Variants in EYA3 observed in about 807,000 individuals in gnomAD.
EYA3 encodes EYA transcriptional coactivator and phosphatase 3.
Under a neutral mutation model 80.0 loss-of-function variants are expected in EYA3, and 39 were observed. That is an observed-to-expected ratio of 0.49 (90% CI 0.38 to 0.64). The LOEUF (loss-of-function observed/expected upper bound fraction) is 0.64, where lower values mean the gene tolerates loss of function less well. Among genes scored for constraint, EYA3 ranks in the 30% least tolerant of loss-of-function variants. The pLI is 0.00. For missense variants in EYA3, 523 were observed against 676.1 expected (o/e 0.77, Z 2.51); for synonymous variants, 206 against 232.8 (o/e 0.88, Z 1.05).
At chr1:28,045,965 A>G (rs1643988596) in intron 3 of EYA3, among the ~76,000 whole-genome samples, 1 of 152,198 alleles carries the variant, frequency 6.6e-6, no homozygotes, top group African/African-American at 2.4e-5. Context: ...ACATGCTACA[A>G]ATGGATAGAC....
At chr1:28,050,287 G>A (rs1644197669) in intron 2 of EYA3, among the ~76,000 whole-genome samples, 1 of 151,116 alleles carries the variant, frequency 6.6e-6, no homozygotes, top group Non-Finnish European at 1.5e-5. Context: ...CTGTCTCCCG[G>A]GTTCAAGCAG....
chr1:28,015,236 A>T (rs1161825611), intron 8 of EYA3, among the ~76,000 whole-genome samples: 11 of 152,240 alleles, frequency 7.2e-5, no homozygotes, highest in Non-Finnish European at 1.2e-4. Flanking sequence ...AGAAAGTAAG[A>T]ACATGAATAG....
At chr1:28,069,580 G>GAA (rs1167484182) in intron 1 of EYA3, among the ~76,000 whole-genome samples, 1 of 133,218 alleles carries the variant, frequency 7.5e-6, no homozygotes, top group Non-Finnish European at 1.6e-5. Context: ...AGAAGAAGAA[G>GAA]AAAAAAAAAG....
intron 6 of EYA3, among the ~76,000 whole-genome samples, chr1:28,032,357 T>A (rs901310939): frequency 6.6e-6 from 1 of 152,214 alleles, no homozygotes; most frequent in Admixed American, 6.5e-5. Flanking sequence ...ACCTTAATAT[T>A]CAAGTTTTAG....
chr1:27,977,206 AAAAT>A lies in EYA3; in HGVS notation c.1641+1164_1641+1167del, dbSNP rs1363675866. On this transcript the variant is annotated intron_variant, in intron 17 of 17. Coordinates refer to ENST00000373871, the MANE Select transcript of EYA3 (RefSeq NM_001990.4). ...ATCAAAGCTTCATAACATATGTGAA[AAAAT>A]AAGGATCCCTGAATTGCTACATAAA... 2.7e-6 allele frequency: 4 copies of A among 1,496,804 alleles called. No homozygotes were observed. The African/African-American group carries it at 4.2e-5, about 16-fold the overall frequency. The allele number at this position is 1,496,804 out of a possible 1,614,324, so 92.7% of individuals were successfully genotyped here.
chr1:28,033,269 T>A (rs1643251301), intron 6 of EYA3, among the ~76,000 whole-genome samples: 1 of 152,144 alleles, frequency 6.6e-6, no homozygotes, highest in South Asian at 2.1e-4. Context: ...AAAAGCCACA[T>A]GATAAAACAC....
chr1:27,984,099 T>C (rs143119859), intron 16 of EYA3, among the ~76,000 whole-genome samples: 1 of 152,342 alleles, frequency 6.6e-6, no homozygotes, highest in East Asian at 1.9e-4. Context: ...AGTGGCACAG[T>C]CACAGCTCAC....
At chr1:28,040,712 T>C (rs1412765512) in intron 4 of EYA3, among the ~76,000 whole-genome samples, 3 of 152,150 alleles carry the variant, frequency 2.0e-5, no homozygotes, top group South Asian at 2.1e-4. Flanking sequence ...AGAGTGAGGA[T>C]AGAAGCTAAA....
chr1:28,029,825 C>T (rs1311956988), intron 6 of EYA3, among the ~76,000 whole-genome samples: 1 of 151,078 alleles, frequency 6.6e-6, no homozygotes, highest in African/African-American at 2.5e-5. Flanking sequence ...GAACTCCTGA[C>T]CTCAGGAGTT....
At chr1:28,001,378 C>A (rs1188921762) in intron 11 of EYA3, among the ~76,000 whole-genome samples, 2 of 151,388 alleles carry the variant, frequency 1.3e-5, no homozygotes, top group Non-Finnish European at 2.9e-5. Context: ...AAAAATTTCA[C>A]CATGAAGCTT....
At chr1:28,064,597 G>A (rs1644764201) in intron 1 of EYA3, among the ~76,000 whole-genome samples, 1 of 152,098 alleles carries the variant, frequency 6.6e-6, no homozygotes, top group Admixed American at 6.5e-5. Context: ...TAGTGGGAAA[G>A]ATAAGAGAAC....
At chr1:27,981,427 TG>T (rs1639294482) in intron 16 of EYA3, among the ~76,000 whole-genome samples, 1 of 152,188 alleles carries the variant, frequency 6.6e-6, no homozygotes, top group Admixed American at 6.5e-5. Context: ...CTTTCAGATG[TG>T]GGAGGCTCAG....
At chr1:28,010,531 C>T (rs922429579) in intron 10 of EYA3, among the ~76,000 whole-genome samples, 7 of 152,084 alleles carry the variant, frequency 4.6e-5, no homozygotes, top group Admixed American at 4.6e-4. Flanking sequence ...GGTGGGACTA[C>T]AGGTGTGCAG....
chr1:28,012,905 AC>A (rs1337317972), intron 9 of EYA3, among the ~76,000 whole-genome samples: 1 of 152,184 alleles, frequency 6.6e-6, no homozygotes, highest in Non-Finnish European at 1.5e-5. Flanking sequence ...AGTTCTTGAT[AC>A]TTTTCTGTTC....
intron 11 of EYA3, among the ~76,000 whole-genome samples, 185 bp from the exon 12 acceptor site, chr1:28,000,234 G>A (rs1348697015): frequency 6.6e-6 from 1 of 152,116 alleles, no homozygotes; most frequent in Admixed American, 6.5e-5. Context: ...GAGAAGATAT[G>A]GACAGTTAAA....
intron 14 of EYA3, among the ~76,000 whole-genome samples, chr1:27,992,492 T>A (rs1432996312): frequency 6.6e-6 from 1 of 152,196 alleles, no homozygotes; most frequent in African/African-American, 2.4e-5. Flanking sequence ...GTGGCTGTGC[T>A]GCCTGGTTGC....
At chr1:27,993,032 T>C (rs1182047212) in intron 14 of EYA3, among the ~76,000 whole-genome samples, 1 of 152,158 alleles carries the variant, frequency 6.6e-6, no homozygotes, top group African/African-American at 2.4e-5. Flanking sequence ...CTAGTTCTAC[T>C]TAACTTGTCC....
chr1:28,065,634 C>T (rs1644809165), intron 1 of EYA3, among the ~76,000 whole-genome samples: 1 of 151,942 alleles, frequency 6.6e-6, no homozygotes, highest in Non-Finnish European at 1.5e-5. Flanking sequence ...TTTACCTTTT[C>T]ACTTAATGCA....
intron 1 of EYA3, among the ~76,000 whole-genome samples, chr1:28,084,571 ATATATATATATATATATATATATATTTT>A (rs1645552106): frequency 1.1e-4 from 1 of 9,310 alleles, no homozygotes; most frequent in South Asian, 2.8e-3. Context: ...ATATATATAT[ATATATATATATATATATATATATATTTT>A]TTTTTTTTTT....
Sources: allele counts gnomAD v4.1 joint callset (sites outside exome capture counted in the v4.1 genomes callset), GRCh38; gene constraint gnomAD v4.1.1; transcripts MANE v1.5; gene names NCBI Gene and HGNC (gene_info 2026-07-23, HGNC 2026-07-21).